The following TNFRSF8 variants were observed in gnomAD, a reference collection of about 807,000 sequenced individuals.
TNFRSF8 encodes the protein tumor necrosis factor receptor superfamily member 8.
A neutral mutation model predicts 70.8 loss-of-function variants in TNFRSF8; 26 were observed. The observed-to-expected ratio is 0.37, with a 90% confidence interval of 0.27 to 0.51. The LOEUF (loss-of-function observed/expected upper bound fraction) is 0.51, where lower values mean the gene tolerates loss of function less well. Among genes scored for constraint, TNFRSF8 ranks in the 20% least tolerant of loss-of-function variants. TNFRSF8 has a pLI of 0.94. For synonymous variants in TNFRSF8, 356 were observed against 339.2 expected, an observed-to-expected ratio of 1.05 and a Z score of -0.54; for missense variants, 720 against 807.9, an observed-to-expected ratio of 0.89 and a Z score of 1.32.
intron 1 of TNFRSF8, among the ~76,000 whole-genome samples, chr1:12,073,593 T>G (rs1464807492): frequency 7.5e-6 from 1 of 133,336 alleles, no homozygotes; most frequent in African/African-American, 3.0e-5. Context: ...TTTCTTTTTC[T>G]TTTTTTTTTT....
chr1:12,097,716 C>T (rs1641353258), intron 3 of TNFRSF8, among the ~76,000 whole-genome samples: 1 of 149,360 alleles, frequency 6.7e-6, no homozygotes, highest in Admixed American at 6.7e-5. Flanking sequence ...AGTCTGTGTG[C>T]TATCTAGTGT....
At chr1:12,107,442 T>C (rs925574727) in intron 4 of TNFRSF8, among the ~76,000 whole-genome samples, 3 of 152,100 alleles carry the variant, frequency 2.0e-5, no homozygotes, top group African/African-American at 7.2e-5. Flanking sequence ...TACGTCTGCA[T>C]TGAGAAGTGC....
At chr1:12,098,255 A>G (rs11569840) in intron 3 of TNFRSF8, among the ~76,000 whole-genome samples, 1,683 of 152,280 alleles carry the variant, frequency 0.011, 25 homozygotes, top group East Asian at 0.057. Flanking sequence ...TAATATTGCC[A>G]TTTCTTCTTT....
intron 6 of TNFRSF8, among the ~76,000 whole-genome samples, chr1:12,111,241 G>A (rs1641624061): frequency 6.6e-6 from 1 of 151,954 alleles, no homozygotes; most frequent in Non-Finnish European, 1.5e-5. Context: ...GAGTGCAGTG[G>A]CGTGATCTCG....
intron 1 of TNFRSF8, among the ~76,000 whole-genome samples, chr1:12,083,590 G>A (rs139140386): frequency 7.7e-4 from 117 of 152,284 alleles, no homozygotes; most frequent in African/African-American, 2.3e-3. Flanking sequence ...GGCAGGCTGA[G>A]GCACAAGAAT....
At chr1:12,139,518 C>T (rs997762397) in intron 14 of TNFRSF8, among the ~76,000 whole-genome samples, 13 of 152,210 alleles carry the variant, frequency 8.5e-5, no homozygotes, top group African/African-American at 4.8e-5. Context: ...CTCCCCTACC[C>T]GGTGTCCTAG....
intron 1 of TNFRSF8, among the ~76,000 whole-genome samples, chr1:12,075,642 T>C (rs1296897579): frequency 7.2e-5 from 11 of 152,318 alleles, no homozygotes; most frequent in Middle Eastern, 3.4e-3. Context: ...CTTTGCCATG[T>C]AAGGAGACGT....
chr1:12,098,073 T>C (rs1367463860), intron 3 of TNFRSF8, among the ~76,000 whole-genome samples: 1 of 152,206 alleles, frequency 6.6e-6, no homozygotes, highest in East Asian at 1.9e-4. Context: ...ATTAGGTACA[T>C]AAATGTTCAT....
chr1:12,138,239 G>A lies in TNFRSF8; in HGVS notation c.1346G>A (p.Ser449Asn). 6.2e-7 allele frequency: 1 copy of A among 1,613,600 alleles called. No individual in the cohort carries two copies. Among genetic ancestry groups the A allele is most frequent in the Non-Finnish European group, 8.5e-7 (1 of 1,179,888 alleles). ...RPRRSSTQLR[S>N]GASVTEPVAE... ...ATTCCCGTCCCACAGCAGCTGAGGAGTGGTGCGTCGGTGACAGAACCCGTC... is the reference window on the plus strand; with the variant it reads ...ATTCCCGTCCCACAGCAGCTGAGGAATGGTGCGTCGGTGACAGAACCCGTC... The change falls in exon 14 of 15, where the codon AGT becomes AAT. Residue 449 changes from serine to asparagine, a missense_variant. Physicochemically the swap from Ser to Asn is conservative, Grantham distance 46. Coordinates refer to ENST00000263932, the MANE Select transcript of TNFRSF8 (RefSeq NM_001243.5). This position sits in a 1 kb window ranked among gnomAD's most constrained non-coding sequence, Gnocchi z 5.7.
At chr1:12,094,193 A>G (rs1380208585) in intron 2 of TNFRSF8, among the ~76,000 whole-genome samples, 9 of 152,192 alleles carry the variant, frequency 5.9e-5, no homozygotes, top group Non-Finnish European at 1.3e-4. Context: ...TGAGCTCACA[A>G]ATAAATGTGT....
rs570452720 is a variant in TNFRSF8, at chr1:12,130,577, G to A, written c.1309+4341G>A. 2.0e-5 allele frequency among the ~76,000 whole-genome samples: 3 copies of A among 152,336 alleles called. No homozygotes were observed. In the South Asian group the frequency reaches 6.2e-4, roughly 32 times the overall value. ...GGCCTGTTCTGCTTCCCACAGCACT[G>A]GGGAATCACAGGCCAGAGAGGGGAG... On this transcript the variant is annotated intron_variant, in intron 12 of 14. Transcript: ENST00000263932.
intron 2 of TNFRSF8, among the ~76,000 whole-genome samples, chr1:12,090,588 C>A (rs1159176557): frequency 5.3e-5 from 8 of 151,712 alleles, no homozygotes; most frequent in African/African-American, 1.5e-4. Context: ...ATCCACCCAC[C>A]CACCCACTCA....
At chr1:12,130,015 C>T (rs1205863949) in intron 12 of TNFRSF8, among the ~76,000 whole-genome samples, 3 of 152,108 alleles carry the variant, frequency 2.0e-5, no homozygotes, top group African/African-American at 4.8e-5. Context: ...AGCAATTCTC[C>T]TGCTTCAGCC....
chr1:12,094,660 C>T (rs1368363773), intron 2 of TNFRSF8, among the ~76,000 whole-genome samples: 1 of 141,584 alleles, frequency 7.1e-6, no homozygotes, highest in Non-Finnish European at 1.5e-5. Flanking sequence ...GAGTCTCACT[C>T]TATCGCCCAG....
intron 1 of TNFRSF8, among the ~76,000 whole-genome samples, chr1:12,070,375 C>G (rs552219560): frequency 2.6e-5 from 4 of 152,006 alleles, no homozygotes; most frequent in South Asian, 2.1e-4. Context: ...CTTAGCCTCC[C>G]GAGTAGCTGG....
chr1:12,111,672 G>A (rs533451100), intron 6 of TNFRSF8, among the ~76,000 whole-genome samples: 30 of 152,288 alleles, frequency 2.0e-4, no homozygotes, highest in African/African-American at 6.0e-4. Flanking sequence ...GAGGAACAGT[G>A]GGCAGGGGCT....
At chr1:12,092,436 G>T (rs1193288351) in intron 2 of TNFRSF8, among the ~76,000 whole-genome samples, 1 of 151,528 alleles carries the variant, frequency 6.6e-6, no homozygotes, top group Non-Finnish European at 1.5e-5. Context: ...GCCTCCTAAA[G>T]TGTTGGGATT....
chr1:12,103,962 T>C (rs1287273690), intron 3 of TNFRSF8, among the ~76,000 whole-genome samples: 2 of 152,210 alleles, frequency 1.3e-5, no homozygotes, highest in African/African-American at 4.8e-5. Context: ...GTGCCCACCA[T>C]CACCGTGGCA....
In TNFRSF8 at chr1:12,110,224, G is replaced by A. The variant is rs199836539; in HGVS notation, c.676+20G>A. On this transcript the variant is annotated intron_variant, in intron 6 of 14. Transcript: ENST00000263932. This position sits in a 1 kb window ranked among gnomAD's most constrained non-coding sequence, Gnocchi z 4.0. ...ATCCAGGTAATTTCCCCATGAAGCT[G>A]TGGGTCGTCTCCCTGGGGTGCTCGA... 3 of 1,564,664 alleles carry A rather than the reference G, an allele frequency of 1.9e-6. No individual in the cohort carries two copies. In the East Asian group the frequency reaches 6.8e-5, roughly 35 times the overall value.
Sources: gnomAD v4.1 joint callset for allele counts (sites outside exome capture counted in the v4.1 genomes callset) on GRCh38, gnomAD v4.1.1 for gene constraint, Gnocchi (gnomAD v3.1) non-coding constraint, MANE v1.5 for transcripts, NCBI Gene and HGNC (gene_info 2026-07-23, HGNC 2026-07-21) for gene names.